The following ACVR1 variants were observed in gnomAD, a reference collection of about 807,000 sequenced individuals.
The protein encoded by ACVR1 is activin receptor type-1.
A neutral mutation model predicts 57.1 loss-of-function variants in ACVR1; 38 were observed. The observed-to-expected ratio is 0.67, with a 90% CI of 0.51 to 0.87. ACVR1 has a LOEUF of 0.87. ACVR1 is among the 40% of genes least tolerant of loss of function. The probability of loss-of-function intolerance (pLI) is 0.00; values close to 1 mark genes in which losing one functional copy is unlikely to be tolerated. For synonymous variants in ACVR1, 212 were observed against 228.1 expected (o/e 0.93, Z 0.63); for missense variants, 463 against 638.2 (o/e 0.73, Z 2.96).
Position 157,865,821 on chromosome 2 carries a change from A to AAGATAGATAGATAGAT in ACVR1, c.-183+9959_-183+9974dup, listed in dbSNP as rs57214423. ...AAAAAAAAAAAAAAGAAAAAGAAAAAAGATAGATAGATAGATAGATAGATA... is the reference window on the plus strand; with the variant it reads ...AAAAAAAAAAAAAAGAAAAAGAAAAAAGATAGATAGATAGATAGATAGATAGATAGATAGATAGATA... On this transcript the variant is annotated intron_variant, in intron 1 of 10. Coordinates refer to ENST00000434821, the MANE Select transcript of ACVR1 (RefSeq NM_001111067.4). Among the ~76,000 whole-genome samples, 683 of 137,012 alleles carry AAGATAGATAGATAGAT rather than the reference A, an allele frequency of 5.0e-3. 5 individuals are homozygous for AAGATAGATAGATAGAT. The highest frequency in any genetic ancestry group is 8.0e-3 in the South Asian group (33 of 4,122). 89.9% of individuals were successfully genotyped at this position (137,012 alleles called of 152,430 possible). A position where few individuals can be genotyped will look rare whatever the true frequency, so the allele number is the denominator to read the frequency against.
intron 9 of ACVR1, among the ~76,000 whole-genome samples, chr2:157,755,096 C>T (rs756158549): frequency 1.6e-4 from 25 of 152,022 alleles, no homozygotes; most frequent in African/African-American, 6.0e-4. Flanking sequence ...AACTGGCATA[C>T]AAGGGACATA....
At chr2:157,800,372 AAT>A (rs1687279995) in intron 2 of ACVR1, among the ~76,000 whole-genome samples, 2 of 152,144 alleles carry the variant, frequency 1.3e-5, no homozygotes, top group Non-Finnish European at 2.9e-5. Flanking sequence ...TCACAGCTGT[AAT>A]CCCAGTACTT....
At chr2:157,782,177 T>TGG (rs1189970694) in intron 3 of ACVR1, among the ~76,000 whole-genome samples, 1 of 152,148 alleles carries the variant, frequency 6.6e-6, no homozygotes, top group Non-Finnish European at 1.5e-5. Context: ...TCTTCCCTCT[T>TGG]CAAAGAAGTG....
intron 1 of ACVR1, among the ~76,000 whole-genome samples, chr2:157,864,212 T>G (rs762008051): frequency 6.6e-6 from 1 of 151,282 alleles, no homozygotes; most frequent in Non-Finnish European, 1.5e-5. Context: ...ATAAAGAAAT[T>G]TATATTATTT....
chr2:157,839,905 CCT>C (rs1482213537), intron 1 of ACVR1, among the ~76,000 whole-genome samples: 1 of 152,146 alleles, frequency 6.6e-6, no homozygotes, highest in East Asian at 1.9e-4. Flanking sequence ...TCAGTTCCTC[CCT>C]CTCTCCTTCT....
Position 157,840,378 on chromosome 2 carries a change from C to T in ACVR1, c.-182-21819G>A, listed in dbSNP as rs1158215780. Among the ~76,000 whole-genome samples, 3 of 152,232 alleles carry T rather than the reference C, an allele frequency of 2.0e-5. No homozygotes were observed. The East Asian group carries it at 5.8e-4, about 29-fold the overall frequency. ...ATAAATTATCACTCCACCATTAGAG[C>T]ATCCAGGAATCAACATAAATACGCA... On this transcript the variant is annotated intron_variant, in intron 1 of 10. Coordinates refer to ENST00000434821, the MANE Select transcript of ACVR1 (RefSeq NM_001111067.4).
At chr2:157,765,014 G>A (rs1021548200) in intron 8 of ACVR1, among the ~76,000 whole-genome samples, 3 of 151,838 alleles carry the variant, frequency 2.0e-5, no homozygotes, top group Non-Finnish European at 4.4e-5. Flanking sequence ...CCTTTATCAG[G>A]CTAACAATAA....
At chr2:157,834,072 A>T (rs575058731) in intron 1 of ACVR1, among the ~76,000 whole-genome samples, 1 of 152,310 alleles carries the variant, frequency 6.6e-6, no homozygotes, top group African/African-American at 2.4e-5. Context: ...GGTCACATAC[A>T]TGTCTAGAAG....
chr2:157,839,077 T>C (rs1229745990), intron 1 of ACVR1, among the ~76,000 whole-genome samples: 1 of 152,176 alleles, frequency 6.6e-6, no homozygotes, highest in Admixed American at 6.5e-5. Flanking sequence ...TGGTTTATTT[T>C]TAATTTATTT....
chr2:157,843,607 T>C (rs1689041169), intron 1 of ACVR1, among the ~76,000 whole-genome samples: 1 of 152,176 alleles, frequency 6.6e-6, no homozygotes, highest in Admixed American at 6.5e-5. Context: ...CCTGACACCA[T>C]AGGCCATTCT....
chr2:157,800,535 CCTCCATCATAT>C (rs1367768180), intron 2 of ACVR1, among the ~76,000 whole-genome samples: 3 of 151,832 alleles, frequency 2.0e-5, no homozygotes, highest in Non-Finnish European at 4.4e-5. Context: ...ACAAACCATA[CCTCCATCATAT>C]CTTACCACCC....
Position 157,778,282 on chromosome 2 carries a change from A to G in ACVR1, c.392T>C (p.Val131Ala), listed in dbSNP as rs1686371118. The change falls in exon 5 of 11, where the codon GTA (valine) becomes GCA (alanine). Residue 131 changes from valine (V) to alanine (A), a missense_variant. Val to Ala is a moderately conservative substitution (Grantham distance 64, BLOSUM62 0). Coordinates refer to ENST00000434821, the MANE Select transcript of ACVR1 (RefSeq NM_001111067.4). ...GGCTAAAAGACATACTGCGAACACT[A>G]CAGAGAGAATAATGAGGCCAACCTC... The part of the protein sequence containing the change: ...HLEVGLIILS[V>A]VFAVCLLACL... 1 of 1,613,920 alleles carries G rather than the reference A, an allele frequency of 6.2e-7. No homozygotes were observed. Among genetic ancestry groups the G allele is most frequent in the Admixed American group, 1.7e-5 (1 of 59,984 alleles).
intron 1 of ACVR1, among the ~76,000 whole-genome samples, chr2:157,874,483 A>G (rs1690214314): frequency 6.6e-6 from 1 of 152,190 alleles, no homozygotes. Context: ...CTGGCTGCCC[A>G]AGCCTGGGCC....
chr2:157,803,468 G>A (rs1479518633), intron 2 of ACVR1, among the ~76,000 whole-genome samples: 2 of 152,234 alleles, frequency 1.3e-5, no homozygotes, highest in African/African-American at 2.4e-5. Context: ...AAGAAAAAAA[G>A]AATGTGGAAA....
intron 1 of ACVR1, among the ~76,000 whole-genome samples, chr2:157,865,673 T>G (rs566785002): frequency 6.6e-6 from 1 of 151,458 alleles, no homozygotes; most frequent in South Asian, 2.1e-4. Context: ...ATGCTTGTAA[T>G]CCCAGCTACT....
intron 9 of ACVR1, among the ~76,000 whole-genome samples, chr2:157,741,802 C>T (rs983826472): frequency 2.0e-5 from 3 of 152,000 alleles, no homozygotes; most frequent in Non-Finnish European, 4.4e-5. Flanking sequence ...GGAAACACCT[C>T]CATGGTATCA....
intron 1 of ACVR1, among the ~76,000 whole-genome samples, chr2:157,871,763 G>A (rs1690119969): frequency 6.6e-6 from 1 of 152,154 alleles, no homozygotes; most frequent in Non-Finnish European, 1.5e-5. Context: ...TCGAATGTGT[G>A]GTTAGTTTGA....
At chr2:157,840,087 G>A (rs1387374944) in intron 1 of ACVR1, among the ~76,000 whole-genome samples, 1 of 152,196 alleles carries the variant, frequency 6.6e-6, no homozygotes, top group Admixed American at 6.5e-5. Flanking sequence ...AGAAAAGAAA[G>A]TGTGATTTTC....
Position 157,778,173 on chromosome 2 carries a change from G to A in ACVR1, c.501C>T (p.Ile167=), listed in dbSNP as rs368751955. The change falls in exon 5 of 11, where the codon ATC becomes ATT. Residue 167 remains isoleucine, a synonymous_variant. Transcript: ENST00000434821. ...CAACATTGGTGGTGATGAGCCCTTC[G>A]ATAGTGCCATACTCCACGTCTCGGG... The part of the protein sequence containing the change: ...LNPRDVEYGT[I]EGLITTNVGD... The A allele has an allele frequency of 6.6e-5, 107 of 1,613,686 alleles. No individual in the cohort carries two copies. The highest frequency in any genetic ancestry group is 8.9e-5 in the East Asian group (4 of 44,876).
Sources: allele counts gnomAD v4.1 joint callset (sites outside exome capture counted in the v4.1 genomes callset), GRCh38; gene constraint gnomAD v4.1.1; transcripts MANE v1.5; gene names NCBI Gene and HGNC (gene_info 2026-07-23, HGNC 2026-07-21).